Variants in INSC observed in about 807,000 individuals in gnomAD.
INSC encodes protein inscuteable homolog.
Under a neutral mutation model 58.6 loss-of-function variants are expected in INSC, and 67 were observed. That is an observed-to-expected ratio of 1.14 (90% CI 0.94 to 1.40). The LOEUF (loss-of-function observed/expected upper bound fraction) is 1.40, where lower values mean the gene tolerates loss of function less well. Ranked by LOEUF, INSC falls within the 40% of genes most tolerant of loss-of-function variation. The pLI is 0.00. For synonymous variants in INSC, 262 were observed against 276.1 expected, an observed-to-expected ratio of 0.95 and a Z score of 0.51; for missense variants, 714 against 692.0, an observed-to-expected ratio of 1.03 and a Z score of -0.36.
At chr11:15,218,092 C>A (rs1447159917) in intron 7 of INSC, among the ~76,000 whole-genome samples, 3 of 152,136 alleles carry the variant, frequency 2.0e-5, no homozygotes, top group African/African-American at 7.2e-5. Context: ...ATATTTATAG[C>A]AGCACTGTCC....
At chr11:15,231,524 T>C (rs1029428079) in intron 9 of INSC, among the ~76,000 whole-genome samples, 2 of 152,394 alleles carry the variant, frequency 1.3e-5, no homozygotes, top group South Asian at 4.1e-4. Context: ...ACAAGCTTGC[T>C]AGAGGCTGAA....
rs542379161 is a variant in INSC at position 15,141,026 on chromosome 11, A to G, written c.-45-8104A>G. On this transcript the variant is annotated intron_variant, in intron 1 of 12. Transcript: ENST00000379556. The stretch of plus-strand genomic sequence containing the variant: ...GGACTAAATGTAAAGCATTTAGAAC[A>G]GTGCCTTATACACAGTAAACACCTA... Among the ~76,000 whole-genome samples, 56 of 152,334 alleles carry G rather than the reference A, an allele frequency of 3.7e-4. 1 individual carries two copies. In the South Asian group the frequency reaches 0.011, roughly 30 times the overall value.
chr11:15,242,416 C>A (rs1482192121), intron 12 of INSC, among the ~76,000 whole-genome samples: 1 of 152,166 alleles, frequency 6.6e-6, no homozygotes, highest in Non-Finnish European at 1.5e-5. Flanking sequence ...AATCCATTCT[C>A]CGTGTGGCTT....
At chr11:15,217,420 T>G (rs1851261936) in intron 7 of INSC, among the ~76,000 whole-genome samples, 1 of 152,134 alleles carries the variant, frequency 6.6e-6, no homozygotes, top group Non-Finnish European at 1.5e-5. Flanking sequence ...GTAAGAAAAT[T>G]GTTCAGCTAG....
chr11:15,155,100 C>T (rs556438579), intron 2 of INSC, among the ~76,000 whole-genome samples: 1 of 152,272 alleles, frequency 6.6e-6, no homozygotes, highest in Non-Finnish European at 1.5e-5. Context: ...TGCAGATAAA[C>T]ACATGGATCC....
At chr11:15,212,525 C>T (rs1224639848) in intron 7 of INSC, among the ~76,000 whole-genome samples, 1 of 152,228 alleles carries the variant, frequency 6.6e-6, no homozygotes, top group Non-Finnish European at 1.5e-5. Context: ...ATCATACAAA[C>T]TGTCTTTAAT....
chr11:15,206,149 C>T (rs1280678317), intron 7 of INSC, among the ~76,000 whole-genome samples: 1 of 152,220 alleles, frequency 6.6e-6, no homozygotes, highest in Non-Finnish European at 1.5e-5. Flanking sequence ...GGAGAAGAGA[C>T]AGGCTCCCTG....
chr11:15,262,694 T>G, the INSC span, among the ~76,000 whole-genome samples: 8 of 93,358 alleles, frequency 8.6e-5, no homozygotes, highest in African/African-American at 3.1e-4. Flanking sequence ...ACACAAACAG[T>G]ATCTCCAGCC....
intron 7 of INSC, among the ~76,000 whole-genome samples, chr11:15,207,165 T>C (rs1850834675): frequency 6.6e-6 from 1 of 152,110 alleles, no homozygotes; most frequent in Admixed American, 6.5e-5. Flanking sequence ...GCTACAGGTC[T>C]GTGGCCAAAA....
intron 2 of INSC, among the ~76,000 whole-genome samples, chr11:15,162,835 G>A (rs1297818590): frequency 6.6e-6 from 1 of 152,154 alleles, no homozygotes; most frequent in African/African-American, 2.4e-5. Context: ...CTATGAGAGG[G>A]CAGTCCAGTA....
chr11:15,188,081 C>T, intron 5 of INSC: 2 of 623,588 alleles, frequency 3.2e-6, no homozygotes, highest in Non-Finnish European at 4.0e-6. Context: ...TGAGGAGTCC[C>T]CTGTCCCACA....
intron 9 of INSC, among the ~76,000 whole-genome samples, chr11:15,233,383 T>G (rs1160423283): frequency 2.0e-5 from 3 of 152,144 alleles, no homozygotes; most frequent in Admixed American, 6.6e-5. Context: ...ATCCCACCCA[T>G]GGACTTGACT....
chr11:15,261,822 C>T, the INSC span, among the ~76,000 whole-genome samples: 1 of 152,106 alleles, frequency 6.6e-6, no homozygotes, highest in East Asian at 1.9e-4. Flanking sequence ...AAATCAAGTG[C>T]ACTCAGGGAC....
At chr11:15,269,292 T>C in the INSC span, among the ~76,000 whole-genome samples, 18 of 152,086 alleles carry the variant, frequency 1.2e-4, 1 homozygote, top group African/African-American at 4.3e-4. Context: ...AAATATTCAA[T>C]TAGTCATGGT....
At chr11:15,140,094 G>A (rs567084261) in intron 1 of INSC, among the ~76,000 whole-genome samples, 3 of 152,062 alleles carry the variant, frequency 2.0e-5, no homozygotes, top group Non-Finnish European at 2.9e-5. Context: ...AAGCTCCTTC[G>A]GGGGTGCTGC....
At chr11:15,254,040 G>A in the INSC span, among the ~76,000 whole-genome samples, 1 of 152,154 alleles carries the variant, frequency 6.6e-6, no homozygotes, top group Non-Finnish European at 1.5e-5. Flanking sequence ...TAATGCTGAT[G>A]GTATTTATTG....
chr11:15,166,055 C>T (rs1023987501), intron 2 of INSC, among the ~76,000 whole-genome samples: 1 of 152,194 alleles, frequency 6.6e-6, no homozygotes, highest in African/African-American at 2.4e-5. Flanking sequence ...GGAACATTGT[C>T]AGTGTCAATA....
intron 6 of INSC, among the ~76,000 whole-genome samples, chr11:15,199,791 C>G (rs1850508442): frequency 6.6e-6 from 1 of 152,172 alleles, no homozygotes; most frequent in South Asian, 2.1e-4. Context: ...CCTAGGCACC[C>G]TGCCAGCTTT....
intron 1 of INSC, among the ~76,000 whole-genome samples, chr11:15,120,769 G>T (rs1590327423): frequency 6.6e-6 from 1 of 152,160 alleles, no homozygotes; most frequent in East Asian, 1.9e-4. Flanking sequence ...GGACATGATT[G>T]AATATGGGCT....
Sources: allele counts gnomAD v4.1 joint callset (sites outside exome capture counted in the v4.1 genomes callset), GRCh38; gene constraint gnomAD v4.1.1; transcripts MANE v1.5; gene names NCBI Gene and HGNC (gene_info 2026-07-23, HGNC 2026-07-21).